SCN11A: variants seen among roughly 807,000 people sequenced by gnomAD.
SCN11A encodes sodium voltage-gated channel alpha subunit 11.
A neutral mutation model predicts 162.2 loss-of-function variants in SCN11A; 122 were observed. That is an observed-to-expected ratio of 0.75 (90% CI 0.65 to 0.87). The LOEUF is 0.87. Ranked by LOEUF, SCN11A falls within the 40% of genes least tolerant of loss-of-function variation. The pLI, the probability that SCN11A is intolerant of heterozygous loss-of-function variation, is 0.00. For synonymous variants in SCN11A, 758 were observed against 751.5 expected (o/e 1.01, Z -0.14); for missense variants, 2,015 against 2,181.6 (o/e 0.92, Z 1.52).
At chr3:38,949,884 TCTC>T (rs2066575426) in intron 5 of SCN11A, among the ~76,000 whole-genome samples, 1 of 151,984 alleles carries the variant, frequency 6.6e-6, no homozygotes, top group Admixed American at 6.6e-5. Context: ...ATCCTCATCT[TCTC>T]CTCTAATACA....
chr3:38,982,506 G>A (rs2030092669), intron 2 of SCN11A, among the ~76,000 whole-genome samples: 1 of 152,166 alleles, frequency 6.6e-6, no homozygotes, highest in Non-Finnish European at 1.5e-5. Context: ...CAGCCCTGCC[G>A]AGCTAATAAG....
chr3:38,945,316 T>C (rs2066499573), intron 7 of SCN11A, 95 bp downstream of exon 7: 4 of 762,152 alleles, frequency 5.2e-6, no homozygotes, highest in Non-Finnish European at 8.7e-6. Flanking sequence ...TTAGAATTAT[T>C]AGTGACTTTT....
chr3:38,929,131 G>GCGCA lies in SCN11A; in HGVS notation c.489-2201_489-2200insTGCG, dbSNP rs774058202. Among the ~76,000 whole-genome samples the GCGCA allele has an allele frequency of 1.1e-3, 40 of 36,994 alleles. 3 individuals carry two copies. The highest frequency in any genetic ancestry group is 2.8e-3 in the African/African-American group (39 of 14,114). The allele number at this position is 36,994 out of a possible 152,430, so 24.3% of individuals were successfully genotyped here. A position where few individuals can be genotyped will look rare whatever the true frequency, so the allele number is the denominator to read the frequency against. ...ACACTGTCAAAAATACTGGGTCTGTGCACGCACACACACACACACACACAC... is the reference window on the plus strand; with the variant it reads ...ACACTGTCAAAAATACTGGGTCTGTGCGCACACGCACACACACACACACACACAC... On this transcript the variant is annotated intron_variant, in intron 7 of 29. Transcript: ENST00000302328.
At position 38,974,709 on chromosome 3, in the gene SCN11A, AAAAAG is replaced by A. The variant is rs770656526; in HGVS notation, c.-279-14291_-279-14287del. Among the ~76,000 whole-genome samples, 706 of 130,308 alleles carry A rather than the reference AAAAAG, an allele frequency of 5.4e-3. 8 individuals are homozygous for A. Among genetic ancestry groups the A allele is most frequent in the Middle Eastern group, 9.4e-3 (2 of 212 alleles). The allele number at this position is 130,308 out of a possible 152,430, so 85.5% of individuals were successfully genotyped here. On this transcript the variant is annotated intron_variant, in intron 2 of 29. Transcript: ENST00000302328. Reference sequence around the variant, plus strand: ...GACTCCGTCTCAAAAAAAAAAAAAAAAAAAGAAAAGAAAAGAAAAGAAAAGAAGGC... The same window carrying A: ...GACTCCGTCTCAAAAAAAAAAAAAAAAAAAGAAAAGAAAAGAAAAGAAGGC...
At chr3:39,008,614 C>T (rs995239619) in intron 2 of SCN11A, among the ~76,000 whole-genome samples, 4 of 152,116 alleles carry the variant, frequency 2.6e-5, no homozygotes, top group Admixed American at 1.3e-4. Context: ...TGGAGCTGGG[C>T]GCAGTGGCTC....
At chr3:39,041,213 T>C (rs2032042695) in intron 1 of SCN11A, among the ~76,000 whole-genome samples, 1 of 152,134 alleles carries the variant, frequency 6.6e-6, no homozygotes, top group Admixed American at 6.5e-5. Flanking sequence ...CAGGACATCA[T>C]TAAGCAAACA....
At chr3:39,009,922 C>A (rs2125602073) in intron 2 of SCN11A, among the ~76,000 whole-genome samples, 1 of 148,352 alleles carries the variant, frequency 6.7e-6, no homozygotes, top group African/African-American at 2.5e-5. Flanking sequence ...TGGGCTCAAG[C>A]TATCCTCCTA....
chr3:38,963,393 GATATATATAT>G (rs765572967), intron 2 of SCN11A, among the ~76,000 whole-genome samples: 737 of 56,204 alleles, frequency 0.013, 32 homozygotes, highest in African/African-American at 0.058. Context: ...ATATGATGGA[GATATATATAT>G]ATATATATAT....
intron 16 of SCN11A, among the ~76,000 whole-genome samples, chr3:38,901,354 G>T (rs1434501502): frequency 6.6e-6 from 1 of 152,098 alleles, no homozygotes; most frequent in Admixed American, 6.5e-5. Flanking sequence ...CTCCTGCTCA[G>T]TGTCACCACC....
Position 38,946,729 on chromosome 3 carries a change from G to A in SCN11A, c.386+60C>T, listed in dbSNP as rs73828726. The stretch of plus-strand genomic sequence containing the variant: ...GCTTCCATCCAATAACATGAACACC[G>A]TGGGGCACGTGCACTTTTCAAATGA... On this transcript the variant is annotated intron_variant, in intron 6 of 29. Transcript: ENST00000302328. 4,047 of 1,081,496 alleles carry A rather than the reference G, an allele frequency of 3.7e-3. 112 individuals carry two copies. The African/African-American group carries it at 0.057, about 15-fold the overall frequency. The allele number at this position is 1,081,496 out of a possible 1,614,324, so 67.0% of individuals were successfully genotyped here.
intron 1 of SCN11A, among the ~76,000 whole-genome samples, chr3:39,049,376 T>C (rs2032267860): frequency 6.6e-6 from 1 of 152,266 alleles, no homozygotes; most frequent in Admixed American, 6.5e-5. Flanking sequence ...AATATAGTGT[T>C]AGAGAAAATG....
At chr3:38,954,469 G>T (rs982007590) in intron 3 of SCN11A, among the ~76,000 whole-genome samples, 28 of 152,234 alleles carry the variant, frequency 1.8e-4, no homozygotes, top group Admixed American at 6.5e-5. Flanking sequence ...CTAATGGGGC[G>T]ATTAAAGAAG....
intron 21 of SCN11A, among the ~76,000 whole-genome samples, chr3:38,883,825 T>A (rs2065350264): frequency 6.6e-6 from 1 of 152,212 alleles, no homozygotes. Context: ...TTTACTATTT[T>A]ATGCCACTGA....
intron 2 of SCN11A, among the ~76,000 whole-genome samples, chr3:38,971,164 T>C (rs1217267496): frequency 6.6e-6 from 1 of 152,066 alleles, no homozygotes; most frequent in Admixed American, 6.5e-5. Flanking sequence ...TTCTTGTTTT[T>C]TTTTTTAACA....
intron 2 of SCN11A, among the ~76,000 whole-genome samples, chr3:38,963,033 A>T (rs2066751609): frequency 6.6e-6 from 1 of 151,262 alleles, no homozygotes; most frequent in African/African-American, 2.4e-5. Context: ...GGCCATAATT[A>T]AAAAATCAAA....
At chr3:38,921,947 G>C (rs998521740) in intron 9 of SCN11A, among the ~76,000 whole-genome samples, 1 of 152,170 alleles carries the variant, frequency 6.6e-6, no homozygotes, top group African/African-American at 2.4e-5. Flanking sequence ...GGAGAGCCCT[G>C]ATCTATAGCA....
Position 38,907,310 on chromosome 3 carries a change from A to ATGTGTGTG in SCN11A, c.1473+631_1473+638dup, listed in dbSNP as rs141158768. On this transcript the variant is annotated intron_variant, in intron 14 of 29. Coordinates refer to ENST00000302328, the MANE Select transcript of SCN11A (RefSeq NM_001349253.2). ...AGTTGGTATATATATACCAACATAT[A>ATGTGTGTG]TGTGTGTGTGTGTGTGTGTGTGTGT... Among the ~76,000 whole-genome samples the ATGTGTGTG allele has an allele frequency of 2.9e-3, 346 of 119,218 alleles. 3 individuals carry two copies. Among genetic ancestry groups the ATGTGTGTG allele is most frequent in the East Asian group, 0.011 (43 of 3,948 alleles). 78.2% of individuals were successfully genotyped at this position (119,218 alleles called of 152,430 possible). A position where few individuals can be genotyped will look rare whatever the true frequency, so the allele number is the denominator to read the frequency against.
At position 38,847,303 on chromosome 3, in the gene SCN11A, G is replaced by C; in HGVS notation, c.4767C>G (p.Ile1589Met). The C allele has an allele frequency of 6.2e-7, 1 of 1,614,200 alleles. No individual in the cohort carries two copies. Among genetic ancestry groups the C allele is most frequent in the Non-Finnish European group, 8.5e-7 (1 of 1,180,008 alleles). ...TGTTGACAACAATGAGAAAGGAGATGATAATGTAACTGACAAAGTAGGATG... is the reference window on the plus strand; with the variant it reads ...TGTTGACAACAATGAGAAAGGAGATCATAATGTAACTGACAAAGTAGGATG... The part of the protein sequence containing the change: ...IATSYFVSYI[I>M]ISFLIVVNMY... The change falls in exon 30 of 30, where the codon ATC (isoleucine) becomes ATG (methionine). Residue 1589 changes from isoleucine to methionine, a missense_variant. Physicochemically the swap from Ile to Met is conservative, Grantham distance 10. Transcript: ENST00000302328.
chr3:38,946,662 A>T lies in SCN11A; in HGVS notation c.386+127T>A. On this transcript the variant is annotated intron_variant, in intron 6 of 29. Transcript: ENST00000302328. ...ATCCAGCACAGTCCCTGCCTGCAGC[A>T]GTAGGCACTCAGCCAGTATTTGTAG... is the stretch of plus-strand genomic sequence containing the variant. The T allele has an allele frequency of 5.8e-6, 4 of 695,092 alleles. No individual in the cohort carries two copies. The South Asian group carries it at 7.2e-5, about 12-fold the overall frequency. 43.1% of individuals were successfully genotyped at this position (695,092 alleles called of 1,614,324 possible). A position where few individuals can be genotyped will look rare whatever the true frequency, so the allele number is the denominator to read the frequency against.
Sources: gnomAD v4.1 joint callset for allele counts (sites outside exome capture counted in the v4.1 genomes callset) on GRCh38, gnomAD v4.1.1 for gene constraint, MANE v1.5 for transcripts, NCBI Gene and HGNC (gene_info 2026-07-23, HGNC 2026-07-21) for gene names.